Variants in UBE2E1 observed in about 807,000 individuals in gnomAD.
UBE2E1 encodes ubiquitin-conjugating enzyme E2 E1.
UBE2E1 carries 6 observed loss-of-function variants against 21.4 expected under a neutral mutation model. The ratio of observed to expected loss-of-function variants is 0.28; its 90% CI spans 0.15 to 0.55. The LOEUF is 0.55. Among genes scored for constraint, UBE2E1 ranks in the 20% least tolerant of loss-of-function variants. The pLI, the probability that UBE2E1 is intolerant of heterozygous loss-of-function variation, is 0.93. For missense variants in UBE2E1, 142 were observed against 236.5 expected, an observed-to-expected ratio of 0.60 and a Z score of 2.62; for synonymous variants, 87 against 82.7, an observed-to-expected ratio of 1.05 and a Z score of -0.28.
intron 5 of UBE2E1, 53 bp from the exon 6 acceptor site, chr3:23,890,456 G>GT (rs1398497906): frequency 1.3e-6 from 2 of 1,574,110 alleles, no homozygotes; most frequent in Non-Finnish European, 1.7e-6. Flanking sequence ...ATTCGCTAAA[G>GT]TTTAAAATGT....
intron 3 of UBE2E1, among the ~76,000 whole-genome samples, chr3:23,824,693 A>G (rs929309077): frequency 6.6e-6 from 1 of 152,206 alleles, no homozygotes; most frequent in African/African-American, 2.4e-5. Flanking sequence ...GGATCTCAGT[A>G]TACCTAATAA....
intron 3 of UBE2E1, among the ~76,000 whole-genome samples, chr3:23,846,287 G>A (rs1345713706): frequency 6.6e-6 from 1 of 152,156 alleles, no homozygotes; most frequent in East Asian, 1.9e-4. Context: ...ATAGAGCTGG[G>A]TGCAGTGGCC....
At position 23,867,083 on chromosome 3, in the gene UBE2E1, CTT is replaced by C. The variant is rs79845851; in HGVS notation, c.204-20482_204-20481del. Among the ~76,000 whole-genome samples the C allele has an allele frequency of 4.4e-3, 609 of 139,292 alleles. 20 individuals carry two copies. In the East Asian group the frequency reaches 0.062, roughly 14 times the overall value. The allele number at this position is 139,292 out of a possible 152,430, so 91.4% of individuals were successfully genotyped here. The stretch of plus-strand genomic sequence containing the variant: ...TTCTCCTCATCTTTTTTTTTTTTCT[CTT>C]TGTTTGTTTTTAAATGTATTTCTTT... On this transcript the variant is annotated intron_variant, in intron 3 of 5. Coordinates refer to ENST00000306627, the MANE Select transcript of UBE2E1 (RefSeq NM_003341.5).
chr3:23,888,873 T>A (rs1299528180), intron 4 of UBE2E1, among the ~76,000 whole-genome samples: 2 of 152,206 alleles, frequency 1.3e-5, no homozygotes, highest in Non-Finnish European at 2.9e-5. Context: ...GATTTAAAAT[T>A]GCTAAAGATG....
At position 23,890,505 on chromosome 3, in the gene UBE2E1, C is replaced by G; in HGVS notation, c.485-4C>G. ...CCAAAGTAATCTACATTCTTTTCTT[C>G]CAGCCGACCCCTTGGTGGGAAGTAT... On this transcript the variant is annotated splice_region_variant and splice_polypyrimidine_tract_variant and intron_variant, in intron 5 of 5. Coordinates refer to ENST00000306627, the MANE Select transcript of UBE2E1 (RefSeq NM_003341.5). The G allele has an allele frequency of 6.2e-7, 1 of 1,609,324 alleles. No homozygotes were observed. The highest frequency in any genetic ancestry group is 8.5e-7 in the Non-Finnish European group (1 of 1,178,334).
intron 3 of UBE2E1, among the ~76,000 whole-genome samples, chr3:23,829,164 CAA>C (rs56097157): frequency 1.2e-4 from 16 of 128,122 alleles, no homozygotes; most frequent in African/African-American, 2.6e-4. Flanking sequence ...GACAGGGCCT[CAA>C]AAAAAAAAAA....
In UBE2E1 at chr3:23,823,028, G is replaced by A. The variant is rs150430462; in HGVS notation, c.203+11518G>A. Among the ~76,000 whole-genome samples, 435 of 152,182 alleles carry A rather than the reference G, an allele frequency of 2.9e-3. 11 individuals carry two copies. In the East Asian group the frequency reaches 0.044, roughly 16 times the overall value. On this transcript the variant is annotated intron_variant, in intron 3 of 5. Transcript: ENST00000306627. The surrounding 1 kb of genome is among the most constrained non-coding windows in gnomAD (Gnocchi z 4.2). ...CGCCCAGCTAATTTTTGTATTTTTA[G>A]TGGAGATGGGGTTTCACCATGTTGG...
At chr3:23,825,029 A>G (rs56283624) in intron 3 of UBE2E1, among the ~76,000 whole-genome samples, 5,407 of 152,338 alleles carry the variant, frequency 0.035, 315 homozygotes, top group African/African-American at 0.12. Flanking sequence ...ACCTTGTAGG[A>G]TTAGTAATTA....
intron 3 of UBE2E1, among the ~76,000 whole-genome samples, chr3:23,831,966 A>T (rs1044875397): frequency 3.3e-5 from 5 of 152,036 alleles, no homozygotes; most frequent in African/African-American, 1.2e-4. Flanking sequence ...TCCGCCTCCC[A>T]AAGTGCTGAG....
In UBE2E1 at chr3:23,810,435, A is replaced by T; in HGVS notation, c.153-1025A>T. 5 of 1,535,252 alleles carry T rather than the reference A, an allele frequency of 3.3e-6. No individual in the cohort carries two copies. In the South Asian group the frequency reaches 4.8e-5, roughly 15 times the overall value. The stretch of plus-strand genomic sequence containing the variant: ...GGTTGGTGCGGAGGGAGAAAACTGC[A>T]GGTCTCCAGTCTATCCCCAGTGTGA... On this transcript the variant is annotated intron_variant, in intron 2 of 5. Coordinates refer to ENST00000306627, the MANE Select transcript of UBE2E1 (RefSeq NM_003341.5). The surrounding 1 kb of genome is among the most constrained non-coding windows in gnomAD (Gnocchi z 5.8).
At chr3:23,879,313 A>G (rs1700983728) in intron 3 of UBE2E1, 7 of 815,552 alleles carry the variant, frequency 8.6e-6, no homozygotes, top group Non-Finnish European at 1.3e-5. Context: ...GAATTTGCCA[A>G]GATTACCTTA....
chr3:23,843,390 C>G (rs533984281), intron 3 of UBE2E1, among the ~76,000 whole-genome samples: 3 of 152,168 alleles, frequency 2.0e-5, no homozygotes, highest in Non-Finnish European at 4.4e-5. Context: ...ACAACTGTGG[C>G]ACACCATTCA....
At chr3:23,879,556 C>A (rs144718568) in intron 3 of UBE2E1, 253 of 314,198 alleles carry the variant, frequency 8.1e-4, no homozygotes, top group African/African-American at 5.4e-3. Flanking sequence ...TTTAGAACTT[C>A]TCTTCGTAGG....
chr3:23,831,759 C>T (rs1473588006), intron 3 of UBE2E1, among the ~76,000 whole-genome samples: 2 of 151,478 alleles, frequency 1.3e-5, no homozygotes, highest in African/African-American at 4.9e-5. Context: ...TGCAGTGGTG[C>T]GATCTCAGCT....
At chr3:23,821,283 A>G (rs1699638134) in intron 3 of UBE2E1, among the ~76,000 whole-genome samples, 2 of 152,222 alleles carry the variant, frequency 1.3e-5, no homozygotes, top group Non-Finnish European at 2.9e-5. Context: ...GAAGCCTTAC[A>G]AAGACATTTG....
At chr3:23,845,589 C>CTCTCTCTCTG (rs1553637998) in intron 3 of UBE2E1, among the ~76,000 whole-genome samples, 1 of 121,288 alleles carries the variant, frequency 8.2e-6, no homozygotes, top group South Asian at 3.2e-4. Context: ...CTCTCTCTCT[C>CTCTCTCTCTG]TGTGTGTGTG....
intron 3 of UBE2E1, among the ~76,000 whole-genome samples, chr3:23,850,919 C>T (rs1210886106): frequency 6.7e-6 from 1 of 150,006 alleles, no homozygotes; most frequent in African/African-American, 2.5e-5. Flanking sequence ...TTCCTGGGCC[C>T]AAGCAGTTTA....
chr3:23,817,299 G>A (rs567259803), intron 3 of UBE2E1, among the ~76,000 whole-genome samples: 114 of 151,974 alleles, frequency 7.5e-4, no homozygotes, highest in African/African-American at 1.4e-3. Context: ...ACGCGCGCCC[G>A]TAATCCCAGC....
intron 3 of UBE2E1, among the ~76,000 whole-genome samples, chr3:23,882,486 C>T (rs551834952): frequency 1.1e-4 from 16 of 152,360 alleles, no homozygotes; most frequent in East Asian, 9.7e-4. Context: ...GATCCTGTGC[C>T]GGGGCTGCGG....
Sources: allele counts gnomAD v4.1 joint callset (sites outside exome capture counted in the v4.1 genomes callset), GRCh38; gene constraint gnomAD v4.1.1; non-coding constraint Gnocchi (gnomAD v3.1); transcripts MANE v1.5; gene names NCBI Gene and HGNC (gene_info 2026-07-23, HGNC 2026-07-21).